The following UCHL5 variants were observed in gnomAD, a reference collection of about 807,000 sequenced individuals.
The protein encoded by UCHL5 is ubiquitin carboxyl-terminal hydrolase isozyme L5.
UCHL5 carries 34 observed loss-of-function variants against 53.8 expected under a neutral mutation model. The ratio of observed to expected loss-of-function variants is 0.63; its 90% confidence interval spans 0.48 to 0.84. UCHL5 has a LOEUF of 0.84. UCHL5 is among the 40% of genes least tolerant of loss of function. UCHL5 has a pLI of 0.00. For missense variants in UCHL5, 290 were observed against 385.6 expected (o/e 0.75, Z 2.08); for synonymous variants, 111 against 126.3 (o/e 0.88, Z 0.81).
intron 3 of UCHL5, among the ~76,000 whole-genome samples, chr1:193,030,942 C>T (rs990401948): frequency 1.3e-5 from 2 of 152,102 alleles, no homozygotes; most frequent in Non-Finnish European, 2.9e-5. Flanking sequence ...TTCTCAATAA[C>T]TATAACATCA....
In UCHL5 at chr1:193,021,099, T is replaced by C; in HGVS notation, c.940A>G (p.Lys314Glu). 1 of 1,588,398 alleles carries C rather than the reference T, an allele frequency of 6.3e-7. No individual in the cohort carries two copies. Among genetic ancestry groups the C allele is most frequent in the Non-Finnish European group, 8.6e-7 (1 of 1,158,810 alleles). Residue 314 changes from lysine to glutamate, a missense_variant and splice_region_variant, in exon 10 of 11, where the codon AAG becomes GAG. Transcript: ENST00000367454. ...EHQQLIPLVEKAKEKQNAKKA... is the reference protein window; with the variant it reads ...EHQQLIPLVEEAKEKQNAKKA... Reference sequence around the variant, plus strand: ...GTATCTACCAATAAAATACTTACCTTTTCTACTAGTGGTATTAACTGCTGG... The same window carrying C: ...GTATCTACCAATAAAATACTTACCTCTTCTACTAGTGGTATTAACTGCTGG...
At chr1:193,027,354 A>G (rs1382755924) in intron 7 of UCHL5, among the ~76,000 whole-genome samples, 1 of 152,194 alleles carries the variant, frequency 6.6e-6, no homozygotes, top group African/African-American at 2.4e-5. Context: ...ACCCTCAAAA[A>G]TAAAACTCTA....
At chr1:193,036,380 T>A (rs1367735045) in intron 3 of UCHL5, among the ~76,000 whole-genome samples, 1 of 123,808 alleles carries the variant, frequency 8.1e-6, no homozygotes, top group African/African-American at 3.0e-5. Context: ...TAAAATAGAC[T>A]ACAAAGCAAA....
At chr1:193,032,516 A>G (rs1235666135) in intron 3 of UCHL5, among the ~76,000 whole-genome samples, 2 of 152,190 alleles carry the variant, frequency 1.3e-5, no homozygotes, top group South Asian at 4.1e-4. Flanking sequence ...CAAAAACCAA[A>G]ATTGACAAAT....
intron 3 of UCHL5, among the ~76,000 whole-genome samples, chr1:193,044,520 T>C (rs1419726571): frequency 6.6e-6 from 1 of 152,138 alleles, no homozygotes; most frequent in East Asian, 1.9e-4. Context: ...CTTTCCTCAA[T>C]ATTTTATTAA....
At chr1:193,049,610 T>C (rs1020941365) in intron 3 of UCHL5, 136 bp downstream of exon 3, 7 of 538,638 alleles carry the variant, frequency 1.3e-5, no homozygotes, top group Non-Finnish European at 2.2e-5. Flanking sequence ...TTTAAGACTG[T>C]AATTGGAGAT....
intron 3 of UCHL5, among the ~76,000 whole-genome samples, chr1:193,031,750 G>T: frequency 6.6e-6 from 1 of 152,050 alleles, no homozygotes; most frequent in East Asian, 1.9e-4. Context: ...AGAAAGATGT[G>T]GTCCTTGTCC....
intron 3 of UCHL5, among the ~76,000 whole-genome samples, chr1:193,040,082 C>T (rs999128266): frequency 2.0e-5 from 3 of 151,986 alleles, no homozygotes; most frequent in East Asian, 1.9e-4. Context: ...GAACACTGGT[C>T]GGGGCAAAAA....
rs773800845 is a variant in UCHL5 at position 193,020,420 on chromosome 1, G to A, written c.942+677C>T. 1.9e-6 allele frequency: 3 copies of A among 1,545,770 alleles called. No homozygotes were observed. In the South Asian group the frequency reaches 3.6e-5, roughly 19 times the overall value. ...ACCAGTTGCATTAGAATCACTTGGGGAACTTATTAAAGAATCCTTCCCCTA... is the reference window on the plus strand; with the variant it reads ...ACCAGTTGCATTAGAATCACTTGGGAAACTTATTAAAGAATCCTTCCCCTA... On this transcript the variant is annotated intron_variant, in intron 10 of 10. Transcript: ENST00000367454.
chr1:193,020,200 T>G, intron 10 of UCHL5: 4 of 1,376,468 alleles, frequency 2.9e-6, no homozygotes, highest in Non-Finnish European at 3.8e-6. Context: ...CACAAAAAAC[T>G]TATTAGCTCA....
chr1:193,045,674 C>A (rs1365546813), intron 3 of UCHL5, among the ~76,000 whole-genome samples: 1 of 152,074 alleles, frequency 6.6e-6, no homozygotes, highest in Non-Finnish European at 1.5e-5. Flanking sequence ...TATAGCAATG[C>A]AAGAATAACC....
chr1:193,024,192 A>G (rs1326799328), intron 7 of UCHL5, among the ~76,000 whole-genome samples: 1 of 151,956 alleles, frequency 6.6e-6, no homozygotes, highest in Non-Finnish European at 1.5e-5. Flanking sequence ...GCAGTGAGCT[A>G]TGATAGTGCA....
intron 1 of UCHL5, among the ~76,000 whole-genome samples, chr1:193,054,247 A>G (rs1041228425): frequency 1.3e-5 from 2 of 152,242 alleles, no homozygotes; most frequent in African/African-American, 4.8e-5. Context: ...GAGCCCCAAG[A>G]AAAACACTCG....
chr1:193,044,659 A>G (rs1043145152), intron 3 of UCHL5, among the ~76,000 whole-genome samples: 1 of 152,188 alleles, frequency 6.6e-6, no homozygotes, highest in African/African-American at 2.4e-5. Flanking sequence ...GTTAATCTGT[A>G]TAACCTTATC....
At chr1:193,040,568 A>G (rs754767332) in intron 3 of UCHL5, among the ~76,000 whole-genome samples, 1 of 152,210 alleles carries the variant, frequency 6.6e-6, no homozygotes. Context: ...TATAGCTACT[A>G]TGGAAAACTG....
intron 3 of UCHL5, among the ~76,000 whole-genome samples, chr1:193,037,148 G>A (rs1027841643): frequency 2.0e-5 from 3 of 151,578 alleles, no homozygotes; most frequent in African/African-American, 7.3e-5. Context: ...ATAAAGATCA[G>A]AGCAGAAATC....
At chr1:193,016,784 T>C (rs1655037226) in intron 10 of UCHL5, among the ~76,000 whole-genome samples, 2 of 151,846 alleles carry the variant, frequency 1.3e-5, no homozygotes, top group African/African-American at 4.8e-5. Context: ...TTTCTGCAAA[T>C]GTGAATAAAT....
At chr1:193,026,197 A>G (rs1302746057) in intron 7 of UCHL5, among the ~76,000 whole-genome samples, 1 of 152,176 alleles carries the variant, frequency 6.6e-6, no homozygotes, top group Non-Finnish European at 1.5e-5. Context: ...ATAAACTTTT[A>G]AGAAAATTAC....
chr1:193,018,931 G>A, intron 10 of UCHL5: 1 of 700,092 alleles, frequency 1.4e-6, no homozygotes, highest in Middle Eastern at 3.8e-4. Context: ...CACTGGTAAA[G>A]ATTTTATATA....
Sources: gnomAD v4.1 joint callset for allele counts (sites outside exome capture counted in the v4.1 genomes callset) on GRCh38, gnomAD v4.1.1 for gene constraint, MANE v1.5 for transcripts, NCBI Gene and HGNC (gene_info 2026-07-23, HGNC 2026-07-21) for gene names.